Variants in PLCB1 observed in about 807,000 individuals in gnomAD.
PLCB1 encodes 1-phosphatidylinositol 4,5-bisphosphate phosphodiesterase beta-1.
In PLCB1, 46 loss-of-function variants were observed where a neutral mutation model predicts 161.8. That is an observed-to-expected ratio of 0.28 (90% CI 0.22 to 0.36). The LOEUF is 0.36. Among genes scored for constraint, PLCB1 ranks in the 10% least tolerant of loss-of-function variants. PLCB1 has a pLI of 1.00. For missense variants in PLCB1, 1,016 were observed against 1,472.5 expected, an observed-to-expected ratio of 0.69 and a Z score of 5.07; for synonymous variants, 517 against 503.7, an observed-to-expected ratio of 1.03 and a Z score of -0.35.
intron 3 of PLCB1, among the ~76,000 whole-genome samples, chr20:8,493,238 G>A (rs1983022387): frequency 6.6e-6 from 1 of 151,858 alleles, no homozygotes. Context: ...CTCATTTCTG[G>A]TCATCAAGGG....
chr20:8,873,898 A>C (rs1266206267), intron 31 of PLCB1, among the ~76,000 whole-genome samples: 1 of 151,944 alleles, frequency 6.6e-6, no homozygotes, highest in Admixed American at 6.6e-5. Flanking sequence ...TTAGCAGTAA[A>C]TTCCAAAATA....
intron 2 of PLCB1, among the ~76,000 whole-genome samples, chr20:8,311,499 T>C (rs1389524785): frequency 5.3e-5 from 8 of 152,234 alleles, no homozygotes; most frequent in Non-Finnish European, 8.8e-5. Flanking sequence ...TACTTCACTT[T>C]GATCCATCTT....
rs60833598 is a variant in PLCB1, at chr20:8,556,983, A to AAAATAAATAAAT, written c.247-71291_247-71280dup. Among the ~76,000 whole-genome samples the AAAATAAATAAAT allele has an allele frequency of 8.3e-4, 119 of 143,306 alleles. 1 individual carries two copies. The highest frequency in any genetic ancestry group is 2.9e-3 in the African/African-American group (111 of 38,552). 94.0% of individuals were successfully genotyped at this position (143,306 alleles called of 152,430 possible). ...TAGCTATTATTGATAATAAATAAAT[A>AAAATAAATAAAT]AAATAAATAAATAAATAAATAAATA... is the stretch of plus-strand genomic sequence containing the variant. On this transcript the variant is annotated intron_variant, in intron 3 of 31. Coordinates refer to ENST00000338037, the MANE Select transcript of PLCB1 (RefSeq NM_015192.4).
intron 11 of PLCB1, among the ~76,000 whole-genome samples, chr20:8,701,160 C>A (rs1990694196): frequency 6.6e-6 from 1 of 152,134 alleles, no homozygotes; most frequent in Admixed American, 6.5e-5. Flanking sequence ...TCCCTGAACC[C>A]AGCGTGTAAA....
intron 3 of PLCB1, among the ~76,000 whole-genome samples, chr20:8,557,426 G>C (rs1041348929): frequency 5.9e-5 from 9 of 152,038 alleles, no homozygotes; most frequent in Non-Finnish European, 1.2e-4. Flanking sequence ...GACATGCTAA[G>C]TGAAATATGC....
At chr20:8,321,030 AAG>A (rs1251709912) in intron 2 of PLCB1, among the ~76,000 whole-genome samples, 3 of 142,426 alleles carry the variant, frequency 2.1e-5, no homozygotes, top group Non-Finnish European at 3.1e-5. Context: ...TAAAGAAAGA[AAG>A]AGAGAGAGGA....
At chr20:8,710,256 G>A (rs891721112) in intron 12 of PLCB1, among the ~76,000 whole-genome samples, 2 of 151,994 alleles carry the variant, frequency 1.3e-5, no homozygotes, top group Non-Finnish European at 2.9e-5. Flanking sequence ...AGAGAGAGTG[G>A]GGAGGTGTCA....
intron 3 of PLCB1, among the ~76,000 whole-genome samples, chr20:8,522,268 G>C (rs188387285): frequency 1.3e-5 from 2 of 152,190 alleles, no homozygotes; most frequent in East Asian, 3.9e-4. Flanking sequence ...CGTTTCCTGA[G>C]AGCCCTTCTT....
intron 2 of PLCB1, among the ~76,000 whole-genome samples, chr20:8,259,115 T>C (rs538126034): frequency 1.2e-4 from 18 of 152,340 alleles, no homozygotes; most frequent in African/African-American, 3.8e-4. Flanking sequence ...TCTTTTTCAC[T>C]GATGAGTAAT....
chr20:8,157,420 C>T (rs1010141959), intron 2 of PLCB1, among the ~76,000 whole-genome samples: 1 of 152,218 alleles, frequency 6.6e-6, no homozygotes, highest in East Asian at 1.9e-4. Flanking sequence ...CTGACCAAGA[C>T]CTTAGAGATT....
chr20:8,415,112 C>G (rs781746955), intron 3 of PLCB1, among the ~76,000 whole-genome samples: 9 of 152,184 alleles, frequency 5.9e-5, no homozygotes, highest in Non-Finnish European at 1.3e-4. Context: ...GTCCTTGATG[C>G]AATAGGGTGA....
chr20:8,708,638 CATACTGAAT>C, intron 11 of PLCB1, 23 bp from the exon 12 acceptor site: 1 of 1,344,082 alleles, frequency 7.4e-7, no homozygotes, highest in Non-Finnish European at 1.1e-6. Context: ...AAAATTCTGG[CATACTGAAT>C]ATACATGTGT....
At chr20:8,814,765 T>A (rs1985002781) in intron 31 of PLCB1, among the ~76,000 whole-genome samples, 1 of 152,244 alleles carries the variant, frequency 6.6e-6, no homozygotes. Context: ...TTACTCTCTT[T>A]GCATTTTGTA....
At chr20:8,341,966 C>T (rs1435889263) in intron 2 of PLCB1, among the ~76,000 whole-genome samples, 1 of 151,764 alleles carries the variant, frequency 6.6e-6, no homozygotes, top group Non-Finnish European at 1.5e-5. Context: ...TATTTTGATG[C>T]TAAGATCTGT....
At chr20:8,562,195 A>G (rs1040827546) in intron 3 of PLCB1, among the ~76,000 whole-genome samples, 1 of 152,066 alleles carries the variant, frequency 6.6e-6, no homozygotes, top group Non-Finnish European at 1.5e-5. Context: ...GTTTCTTTAC[A>G]GCAGTTGTTT....
At chr20:8,621,082 G>A (rs1267502413) in intron 3 of PLCB1, among the ~76,000 whole-genome samples, 1 of 152,160 alleles carries the variant, frequency 6.6e-6, no homozygotes, top group African/African-American at 2.4e-5. Context: ...AAAAGTGTCT[G>A]TGCATTCTAT....
intron 9 of PLCB1, among the ~76,000 whole-genome samples, chr20:8,671,833 C>G (rs773743173): frequency 6.6e-6 from 1 of 152,122 alleles, no homozygotes; most frequent in East Asian, 1.9e-4. Flanking sequence ...TTTCCATTGC[C>G]CAGGCATGAT....
At chr20:8,312,101 A>C (rs545063334) in intron 2 of PLCB1, among the ~76,000 whole-genome samples, 6 of 152,110 alleles carry the variant, frequency 3.9e-5, no homozygotes, top group Non-Finnish European at 8.8e-5. Flanking sequence ...GTGCTTTTAG[A>C]GCCAGCTGCT....
chr20:8,263,708 A>G (rs925669829), intron 2 of PLCB1, among the ~76,000 whole-genome samples: 1 of 152,194 alleles, frequency 6.6e-6, no homozygotes, highest in Admixed American at 6.5e-5. Context: ...CATAATGGTA[A>G]GTATTCATGT....
Sources: gnomAD v4.1 joint callset for allele counts (sites outside exome capture counted in the v4.1 genomes callset) on GRCh38, gnomAD v4.1.1 for gene constraint, MANE v1.5 for transcripts, NCBI Gene and HGNC (gene_info 2026-07-23, HGNC 2026-07-21) for gene names.